Variants in PRDM1 observed in about 807,000 individuals in gnomAD.
PRDM1 encodes PR domain zinc finger protein 1.
In PRDM1, 13 loss-of-function variants were observed where a neutral mutation model predicts 62.8. The observed-to-expected ratio is 0.21, with a 90% CI of 0.13 to 0.33. The LOEUF (loss-of-function observed/expected upper bound fraction) is 0.33, where lower values mean the gene tolerates loss of function less well. Among genes scored for constraint, PRDM1 ranks in the 10% least tolerant of loss-of-function variants. The probability of loss-of-function intolerance (pLI) is 1.00; values close to 1 mark genes in which losing one functional copy is unlikely to be tolerated. For synonymous variants in PRDM1, 396 were observed against 417.6 expected (o/e 0.95, Z 0.63); for missense variants, 895 against 1,058.8 (o/e 0.85, Z 2.15).
chr6:106,032,897 A>G (rs191866973), intron 1 of PRDM1, among the ~76,000 whole-genome samples: 206 of 152,338 alleles, frequency 1.4e-3, no homozygotes, highest in African/African-American at 4.8e-3. Flanking sequence ...ACTTTTAAGT[A>G]AGAATAATAG....
intron 1 of PRDM1, among the ~76,000 whole-genome samples, chr6:106,042,366 C>G (rs1773011505): frequency 6.6e-6 from 1 of 150,412 alleles, no homozygotes; most frequent in Non-Finnish European, 1.5e-5. Flanking sequence ...ACCAAAAATA[C>G]AAAAGAAAAA....
At position 106,106,461 on chromosome 6, in the gene PRDM1, T is replaced by A; in HGVS notation, c.1864T>A (p.Tyr622Asn). Residue 622 changes from tyrosine to asparagine, a missense_variant, in exon 6 of 7, where the codon TAC (tyrosine) becomes AAC (asparagine). Physicochemically the swap from Tyr to Asn is moderately radical, Grantham distance 143. This residue lies in a region of PRDM1 where 74 missense variants were observed against 172.4 expected (regional missense o/e 0.43). Coordinates refer to ENST00000369096, the MANE Select transcript of PRDM1 (RefSeq NM_001198.4). This position sits in a 1 kb window ranked among gnomAD's most constrained non-coding sequence, Gnocchi z 4.4. The part of the protein sequence containing the change: ...FTQLAHLQKH[Y>N]LVHTGEKPHE... ...TCAGCTCGCCCACCTGCAGAAACAC[T>A]ACCTGGTACACACGGGAGAAAAGCC... 6.2e-7 allele frequency: 1 copy of A among 1,614,170 alleles called. No individual in the cohort carries two copies. The highest frequency in any genetic ancestry group is 1.3e-5 in the African/African-American group (1 of 75,046).
chr6:106,087,193 T>C (rs1773832329), intron 1 of PRDM1, among the ~76,000 whole-genome samples: 1 of 152,152 alleles, frequency 6.6e-6, no homozygotes, highest in Admixed American at 6.5e-5. Flanking sequence ...TGGAAAACAG[T>C]TTTTTTCTGA....
At chr6:106,057,388 T>C (rs1773282741) in intron 1 of PRDM1, among the ~76,000 whole-genome samples, 1 of 152,202 alleles carries the variant, frequency 6.6e-6, no homozygotes, top group South Asian at 2.1e-4. Context: ...TTTTGCTTCA[T>C]CCACCTGCCA....
chr6:106,021,768 G>A (rs556771734), intron 1 of PRDM1, among the ~76,000 whole-genome samples: 12 of 152,198 alleles, frequency 7.9e-5, no homozygotes, highest in South Asian at 6.2e-4. Flanking sequence ...TTACAGGCAC[G>A]CGCCACCACG....
At chr6:105,995,267 C>T (rs1772335016) in intron 1 of PRDM1, among the ~76,000 whole-genome samples, 1 of 152,198 alleles carries the variant, frequency 6.6e-6, no homozygotes, top group African/African-American at 2.4e-5. Context: ...CATAACTAGG[C>T]TGGGCATGTT....
chr6:106,021,519 GC>G (rs374663686), intron 1 of PRDM1, among the ~76,000 whole-genome samples: 1 of 152,322 alleles, frequency 6.6e-6, no homozygotes, highest in African/African-American at 2.4e-5. Context: ...CAAAGAAGAA[GC>G]TTTCTTGAGT....
At position 106,088,410 on chromosome 6, in the gene PRDM1, A is replaced by G; in HGVS notation, c.252A>G (p.Pro84=). 1 of 1,614,166 alleles carries G rather than the reference A, an allele frequency of 6.2e-7. No individual in the cohort carries two copies. The highest frequency in any genetic ancestry group is 1.7e-5 in the Admixed American group (1 of 60,030). ...GTSVQAEASL[P]RNLLFKYATN... is the part of the protein sequence containing the mutation. The stretch of plus-strand genomic sequence containing the variant: ...CGGTTCAGGCGGAGGCATCCTTACC[A>G]AGGAATCTGCTTTTCAAGTATGCCA... The change falls in exon 2 of 7, where the codon CCA becomes CCG. Residue 84 remains proline, a synonymous_variant. Transcript: ENST00000369096.
At chr6:106,049,153 AGAGAATGTGGGCACGATAGTATGGT>A (rs1375658797) in intron 1 of PRDM1, among the ~76,000 whole-genome samples, 12 of 152,296 alleles carry the variant, frequency 7.9e-5, no homozygotes, top group African/African-American at 2.9e-4. Flanking sequence ...TGGAGGCAGC[AGAGAATGTGGGCACGATAGTATGGT>A]GAGTATGAGA....
At chr6:106,073,391 A>C (rs1453985419) in intron 1 of PRDM1, among the ~76,000 whole-genome samples, 1 of 152,160 alleles carries the variant, frequency 6.6e-6, no homozygotes, top group Non-Finnish European at 1.5e-5. Flanking sequence ...CTGGGATTAC[A>C]GACATGAGCC....
At chr6:106,017,065 G>T (rs1256374018) in intron 1 of PRDM1, among the ~76,000 whole-genome samples, 1 of 152,178 alleles carries the variant, frequency 6.6e-6, no homozygotes, top group Non-Finnish European at 1.5e-5. Flanking sequence ...TAAGAAAAAT[G>T]CATTATGAAT....
chr6:106,020,860 C>T (rs776772601), intron 1 of PRDM1, among the ~76,000 whole-genome samples: 1 of 152,160 alleles, frequency 6.6e-6, no homozygotes, highest in Non-Finnish European at 1.5e-5. Context: ...ATCTCAATTT[C>T]GAAATGGATA....
At chr6:106,066,710 G>A (rs1442707344) in intron 1 of PRDM1, among the ~76,000 whole-genome samples, 1 of 152,052 alleles carries the variant, frequency 6.6e-6, no homozygotes, top group Non-Finnish European at 1.5e-5. Flanking sequence ...GGTTCTAATT[G>A]ATTAATATTT....
At chr6:106,070,943 T>A (rs1773505188) in intron 1 of PRDM1, among the ~76,000 whole-genome samples, 1 of 152,208 alleles carries the variant, frequency 6.6e-6, no homozygotes, top group Admixed American at 6.5e-5. Flanking sequence ...CAACCATGAT[T>A]TGTAATGACA....
intron 1 of PRDM1, among the ~76,000 whole-genome samples, chr6:106,036,971 T>C (rs1562149887): frequency 6.6e-6 from 1 of 152,154 alleles, no homozygotes; most frequent in Non-Finnish European, 1.5e-5. Flanking sequence ...TGTACCACCA[T>C]TCCTGGCTCT....
chr6:106,095,054 A>ACAC (rs1554203879), intron 2 of PRDM1, among the ~76,000 whole-genome samples: 1 of 149,816 alleles, frequency 6.7e-6, no homozygotes, highest in Non-Finnish European at 1.5e-5. Flanking sequence ...AAAAAAAAAA[A>ACAC]ACACACACAC....
At chr6:106,050,099 A>G (rs1387094420) in intron 1 of PRDM1, among the ~76,000 whole-genome samples, 3 of 152,162 alleles carry the variant, frequency 2.0e-5, no homozygotes, top group Non-Finnish European at 4.4e-5. Flanking sequence ...TGGAAAAGTC[A>G]CCTCATCTTA....
At chr6:106,029,196 G>T (rs530460900) in intron 1 of PRDM1, among the ~76,000 whole-genome samples, 71 of 152,312 alleles carry the variant, frequency 4.7e-4, no homozygotes, top group African/African-American at 1.6e-3. Context: ...TGGGATTACA[G>T]GCATGAGCCA....
chr6:106,075,978 G>A (rs1158993981), intron 1 of PRDM1, among the ~76,000 whole-genome samples: 1 of 150,522 alleles, frequency 6.6e-6, no homozygotes, highest in African/African-American at 2.5e-5. Flanking sequence ...TTGAGACAGA[G>A]TCTGGCTCTG....
Sources: allele counts gnomAD v4.1 joint callset (sites outside exome capture counted in the v4.1 genomes callset), GRCh38; gene constraint gnomAD v4.1.1; regional missense constraint gnomAD v4.1.1; non-coding constraint Gnocchi (gnomAD v3.1); transcripts MANE v1.5; gene names NCBI Gene and HGNC (gene_info 2026-07-23, HGNC 2026-07-21).